The following FAM118A variants were observed in gnomAD, a reference collection of about 807,000 sequenced individuals.
The protein encoded by FAM118A is SIR2 antiphage like 2, also known as protein FAM118A.
Under a neutral mutation model 38.2 loss-of-function variants are expected in FAM118A, and 25 were observed. That is an observed-to-expected ratio of 0.65 (90% CI 0.48 to 0.91). The LOEUF (loss-of-function observed/expected upper bound fraction) is 0.91. Among genes scored for constraint, FAM118A ranks in the 40% least tolerant of loss-of-function variants. The pLI is 0.00. For missense variants in FAM118A, 425 were observed against 463.3 expected, an observed-to-expected ratio of 0.92 and a Z score of 0.76; for synonymous variants, 178 against 184.1, an observed-to-expected ratio of 0.97 and a Z score of 0.27.
upstream of FAM118A, chr22:45,309,878 T>C (rs1569114070): frequency 1.3e-5 from 2 of 151,410 alleles, no homozygotes; most frequent in African/African-American, 4.9e-5. Flanking sequence ...CGCGGGGCCG[T>C]TGGTTTCGGG....
intron 1 of FAM118A, among the ~76,000 whole-genome samples, chr22:45,312,874 C>G (rs764485391): frequency 1.1e-4 from 17 of 152,170 alleles, no homozygotes; most frequent in Non-Finnish European, 2.1e-4. Flanking sequence ...AGGAAGCTCT[C>G]AGAACCCAGC....
rs576373426 is a variant in FAM118A at position 45,328,297 on chromosome 22, G to A, written c.522+234G>A. ...AGCCCATGGAGTCCCTGGACTTGAA[G>A]GACAAGACCAAGGTATGGGCTGGGG... On this transcript the variant is annotated intron_variant, in intron 4 of 8. Coordinates refer to ENST00000441876, the MANE Select transcript of FAM118A (RefSeq NM_017911.4). 4.9e-4 allele frequency: 146 copies of A among 299,960 alleles called. 36 individuals are homozygous for A. Among genetic ancestry groups the A allele is most frequent in the South Asian group, 1.0e-4 (2 of 19,338 alleles). 18.6% of individuals were successfully genotyped at this position (299,960 alleles called of 1,614,324 possible).
At chr22:45,338,876 C>T (rs1212036880) in intron 8 of FAM118A, among the ~76,000 whole-genome samples, 1 of 152,188 alleles carries the variant, frequency 6.6e-6, no homozygotes, top group Non-Finnish European at 1.5e-5. Flanking sequence ...GTGCAATAGT[C>T]CATGTTATAA....
At chr22:45,334,620 A>C (rs1470589434) in intron 6 of FAM118A, among the ~76,000 whole-genome samples, 1 of 152,162 alleles carries the variant, frequency 6.6e-6, no homozygotes, top group Non-Finnish European at 1.5e-5. Flanking sequence ...TTGGTTTTTC[A>C]TGGCAGCATG....
At position 45,341,367 on chromosome 22, in the gene FAM118A, A is replaced by G. The variant is rs2086443868; in HGVS notation, c.*962A>G. The G allele has an allele frequency of 6.6e-6, 1 of 152,206 alleles. No individual in the cohort carries two copies. The highest frequency in any genetic ancestry group is 2.1e-4 in the South Asian group (1 of 4,826). 9.4% of individuals were successfully genotyped at this position (152,206 alleles called of 1,614,324 possible). On this transcript the variant is annotated 3_prime_UTR_variant, in exon 9 of 9. Transcript: ENST00000441876. ...TTTTCAGTCCAGGCCAACATTGTGC[A>G]CGGCCACTGTGGGACTGACAACCGG...
At chr22:45,328,693 G>A in intron 4 of FAM118A, 1 of 554,528 alleles carries the variant, frequency 1.8e-6, no homozygotes, top group Non-Finnish European at 3.2e-6. Context: ...TGAGGCAGGA[G>A]AATAGCTGGA....
rs984215756 is a variant in FAM118A, at chr22:45,327,948, G to T, written c.407G>T (p.Ser136Ile). The T allele has an allele frequency of 1.2e-6, 2 of 1,614,224 alleles. No individual in the cohort carries two copies. The highest frequency in any genetic ancestry group is 1.7e-6 in the Non-Finnish European group (2 of 1,180,038). The change falls in exon 4 of 9, where the codon AGC becomes ATC. Residue 136 changes from serine (S) to isoleucine (I), a missense_variant. Ser to Ile is a moderately radical substitution (Grantham distance 142). Coordinates refer to ENST00000441876, the MANE Select transcript of FAM118A (RefSeq NM_017911.4). ...RSPVVLQSIL[S>I]LMDRGAMVLT... is the part of the protein sequence containing the mutation. Reference sequence around the variant, plus strand: ...CCTGTGGTGCTGCAGTCGATCCTCAGCCTGATGGACAGGGGCGCCATGGTC... The same window carrying T: ...CCTGTGGTGCTGCAGTCGATCCTCATCCTGATGGACAGGGGCGCCATGGTC...
chr22:45,340,622 G>T lies in FAM118A; in HGVS notation c.*217G>T. ...AGGGTGACGCGGACACATTTCAGGT[G>T]GACTTTGCAAGGACTGATGGATAGC... On this transcript the variant is annotated 3_prime_UTR_variant, in exon 9 of 9. Coordinates refer to ENST00000441876, the MANE Select transcript of FAM118A (RefSeq NM_017911.4). 1.7e-6 allele frequency: 1 copy of T among 594,480 alleles called. No individual in the cohort carries two copies. Among genetic ancestry groups the T allele is most frequent in the Non-Finnish European group, 3.0e-6 (1 of 334,134 alleles). 36.8% of individuals were successfully genotyped at this position (594,480 alleles called of 1,614,324 possible).
At chr22:45,316,897 G>A (rs777172508) in intron 1 of FAM118A, among the ~76,000 whole-genome samples, 5 of 152,186 alleles carry the variant, frequency 3.3e-5, no homozygotes, top group Admixed American at 6.5e-5. Flanking sequence ...GTGAGTTAAA[G>A]GTGAGCATTC....
chr22:45,338,757 G>A (rs760126642), intron 8 of FAM118A, among the ~76,000 whole-genome samples: 42 of 152,322 alleles, frequency 2.8e-4, no homozygotes, highest in East Asian at 1.2e-3. Flanking sequence ...TGAGAGCTAC[G>A]AAGCATCCAG....
chr22:45,328,975 G>C (rs1237324090), intron 4 of FAM118A: 1 of 154,438 alleles, frequency 6.5e-6, no homozygotes, highest in Non-Finnish European at 1.4e-5. Context: ...GAGAGTGGCA[G>C]GGGGGTGGTG....
intron 3 of FAM118A, among the ~76,000 whole-genome samples, chr22:45,325,823 C>T (rs1213340863): frequency 6.6e-6 from 1 of 152,176 alleles, no homozygotes; most frequent in Non-Finnish European, 1.5e-5. Context: ...ACTCAGCCCT[C>T]ACCTTCATCG....
At chr22:45,327,635 C>G (rs558155347) in intron 3 of FAM118A, among the ~76,000 whole-genome samples, 2 of 152,204 alleles carry the variant, frequency 1.3e-5, no homozygotes, top group African/African-American at 2.4e-5. Context: ...CCGTCTCTGC[C>G]GTGCTTTCCT....
In FAM118A at chr22:45,340,401, C is replaced by G. The variant is rs2086404921; in HGVS notation, c.1070C>G (p.Ser357Cys). Reference sequence around the variant, plus strand: ...ATTTAAACAGATGATGCTGGAGGGTCTTGAAATCTTTACAGTAAAACCTGC... The same window carrying G: ...ATTTAAACAGATGATGCTGGAGGGTGTTGAAATCTTTACAGTAAAACCTGC... ...TQSDTDDAGG[S>C] The change falls in exon 9 of 9, where the codon TCT (serine) becomes TGT (cysteine). Residue 357 changes from serine to cysteine, a missense_variant. By Grantham distance (112) the Ser-to-Cys change is moderately radical. Transcript: ENST00000441876. 1.2e-6 allele frequency: 2 copies of G among 1,614,050 alleles called. No individual in the cohort carries two copies. Among genetic ancestry groups the G allele is most frequent in the East Asian group, 4.5e-5 (2 of 44,892 alleles).
In FAM118A at chr22:45,310,119, T is replaced by A. The variant is rs1439867901; in HGVS notation, c.-74T>A. 2 of 150,596 alleles carry A rather than the reference T, an allele frequency of 1.3e-5. No individual in the cohort carries two copies. Among genetic ancestry groups the A allele is most frequent in the African/African-American group, 4.9e-5 (2 of 40,676 alleles). 9.3% of individuals were successfully genotyped at this position (150,596 alleles called of 1,614,324 possible). ...CGGCCGCCGAGAGACCCCGGAGGCG[T>A]AGCCGGCTGCGGAGGCGAAGAGGTG... On this transcript the variant is annotated 5_prime_UTR_variant, in exon 1 of 9. Coordinates refer to ENST00000441876, the MANE Select transcript of FAM118A (RefSeq NM_017911.4).
chr22:45,337,844 C>T, intron 8 of FAM118A: 2 of 985,408 alleles, frequency 2.0e-6, no homozygotes, highest in Non-Finnish European at 2.4e-6. Flanking sequence ...GTGTCTGTGC[C>T]ATCCTCATGC....
rs771469509 is a variant in FAM118A at position 45,330,665 on chromosome 22, G to A, written c.585G>A (p.Thr195=). 2.4e-5 allele frequency: 38 copies of A among 1,604,806 alleles called. No homozygotes were observed. The highest frequency in any genetic ancestry group is 1.7e-4 in the Middle Eastern group (1 of 6,010). Reference sequence around the variant, plus strand: ...TCCTCCACATTCACGGCCTCTACACGGACCCCTGCGGGGTGGTGCTGGACC... The same window carrying A: ...TCCTCCACATTCACGGCCTCTACACAGACCCCTGCGGGGTGGTGCTGGACC... ...YGVLHIHGLY[T]DPCGVVLDPS... is the part of the protein sequence containing the mutation. The change falls in exon 5 of 9, where the codon ACG becomes ACA. Residue 195 remains threonine, a synonymous_variant. Coordinates refer to ENST00000441876, the MANE Select transcript of FAM118A (RefSeq NM_017911.4).
At chr22:45,338,740 A>G (rs1454407445) in intron 8 of FAM118A, among the ~76,000 whole-genome samples, 1 of 152,176 alleles carries the variant, frequency 6.6e-6, no homozygotes, top group Non-Finnish European at 1.5e-5. Flanking sequence ...AGTCCACCCA[A>G]AATTTCTGAG....
At chr22:45,332,734 C>G (rs199559289) in intron 6 of FAM118A, 24 bp downstream of exon 6, 1 of 1,523,890 alleles carries the variant, frequency 6.6e-7, no homozygotes, top group East Asian at 2.3e-5. Flanking sequence ...CTTCACTTTC[C>G]TTTTTCTTTC....
Sources: gnomAD v4.1 joint callset for allele counts (sites outside exome capture counted in the v4.1 genomes callset) on GRCh38, gnomAD v4.1.1 for gene constraint, MANE v1.5 for transcripts, NCBI Gene and HGNC (gene_info 2026-07-23, HGNC 2026-07-21) for gene names.